Variants in RAD51AP1 observed in about 807,000 individuals in gnomAD.
RAD51AP1 encodes RAD51 associated protein 1, also known as RAD51-associated protein 1.
In RAD51AP1, 14 loss-of-function variants were observed where a neutral mutation model predicts 34.3. The ratio of observed to expected loss-of-function variants is 0.41; its 90% CI spans 0.27 to 0.64. The LOEUF (loss-of-function observed/expected upper bound fraction) is 0.64. Among genes scored for constraint, RAD51AP1 ranks in the 30% least tolerant of loss-of-function variants. The pLI is 0.33. For missense variants in RAD51AP1, 348 were observed against 386.9 expected (o/e 0.90, Z 0.84); for synonymous variants, 114 against 129.8 (o/e 0.88, Z 0.83).
chr12:4,551,013 A>G (rs1944542295), intron 6 of RAD51AP1, among the ~76,000 whole-genome samples: 1 of 152,220 alleles, frequency 6.6e-6, no homozygotes, highest in Admixed American at 6.5e-5. Context: ...TGTTGAATTC[A>G]GGCTGGCATC....
chr12:4,559,184 T>A lies in RAD51AP1; in HGVS notation c.*191T>A, dbSNP rs1181058265. 1 of 597,096 alleles carries A rather than the reference T, an allele frequency of 1.7e-6. No homozygotes were observed. Among genetic ancestry groups the A allele is most frequent in the Non-Finnish European group, 2.8e-6 (1 of 363,340 alleles). The allele number at this position is 597,096 out of a possible 1,614,324, so 37.0% of individuals were successfully genotyped here. ...CTTCAAGACTTCAATGAGAAGTTTG[T>A]TTATAAGAATTATCTTCTCATACCT... On this transcript the variant is annotated 3_prime_UTR_variant, in exon 9 of 9. Transcript: ENST00000352618.
Position 4,551,646 on chromosome 12 carries a change from A to G in RAD51AP1, c.557-1337A>G, listed in dbSNP as rs981415529. On this transcript the variant is annotated intron_variant, in intron 6 of 8. Transcript: ENST00000352618. ...GGACAGGGAGAAGATACTGCTCTAT[A>G]TTAAAAGAGATTAATATAGACTGAA... Among the ~76,000 whole-genome samples, 3 of 152,318 alleles carry G rather than the reference A, an allele frequency of 2.0e-5. No homozygotes were observed. The East Asian group carries it at 5.8e-4, about 29-fold the overall frequency.
intron 6 of RAD51AP1, among the ~76,000 whole-genome samples, chr12:4,552,512 G>T (rs1435030250): frequency 6.6e-6 from 1 of 152,146 alleles, no homozygotes; most frequent in Non-Finnish European, 1.5e-5. Flanking sequence ...ATTAAGGGAA[G>T]GCTCACTATT....
In RAD51AP1 at chr12:4,553,045, A is replaced by G. The variant is rs750733051; in HGVS notation, c.619A>G (p.Met207Val). The change falls in exon 7 of 9, where the codon ATG becomes GTG. Residue 207 changes from methionine to valine, a missense_variant. Physicochemically the swap from Met to Val is conservative, Grantham distance 21. Coordinates refer to ENST00000352618, the MANE Select transcript of RAD51AP1 (RefSeq NM_006479.5). ...TGAGGATAATGACGAAGACTTCTCT[A>G]TGAGAAAAAGTAAAGTTAAAGAAAT... ...ESEDNDEDFS[M>V]RKSKVKEIKK... is the part of the protein sequence containing the mutation. The G allele has an allele frequency of 3.7e-6, 6 of 1,606,584 alleles. No homozygotes were observed. Among genetic ancestry groups the G allele is most frequent in the Admixed American group, 3.4e-5 (2 of 58,522 alleles).
rs760142538 is a variant in RAD51AP1, at chr12:4,556,337, A to G, written c.722-16A>G. ...TCCTGCATGACAAACATTTTTACGT[A>G]TATTTTTCAAATAAGTGACTTCGGT... is the stretch of plus-strand genomic sequence containing the variant. On this transcript the variant is annotated splice_polypyrimidine_tract_variant and intron_variant, in intron 7 of 8. Transcript: ENST00000352618. The G allele has an allele frequency of 5.6e-6, 9 of 1,592,966 alleles. No individual in the cohort carries two copies. Among genetic ancestry groups the G allele is most frequent in the Non-Finnish European group, 5.2e-6 (6 of 1,164,802 alleles).
At chr12:4,538,997 TA>T in intron 1 of RAD51AP1, 41 bp downstream of exon 1, 3 of 1,603,768 alleles carry the variant, frequency 1.9e-6, no homozygotes, top group Non-Finnish European at 2.6e-6. Flanking sequence ...GGAGGAAAAC[TA>T]AGGGAAAAGA....
intron 6 of RAD51AP1, among the ~76,000 whole-genome samples, chr12:4,551,113 T>C (rs1944543087): frequency 6.6e-6 from 1 of 152,196 alleles, no homozygotes; most frequent in Admixed American, 6.5e-5. Flanking sequence ...TTATGAAGTA[T>C]ATTCTTGCCG....
At chr12:4,538,986 G>C (rs762784399) in intron 1 of RAD51AP1, 30 bp downstream of exon 1, 2 of 1,610,070 alleles carry the variant, frequency 1.2e-6, no homozygotes, top group Non-Finnish European at 1.7e-6. Context: ...CGTCGGGGGT[G>C]GGAGGAAAAC....
intron 8 of RAD51AP1, among the ~76,000 whole-genome samples, chr12:4,558,026 GA>G (rs1401094108): frequency 6.6e-6 from 1 of 151,234 alleles, no homozygotes; most frequent in Non-Finnish European, 1.5e-5. Context: ...ATATATCTGA[GA>G]GCTAGATTTG....
chr12:4,543,683 A>C, intron 2 of RAD51AP1, 80 bp from the exon 3 acceptor site: 6 of 1,023,952 alleles, frequency 5.9e-6, no homozygotes, highest in Non-Finnish European at 8.2e-6. Context: ...AGCCTATAAA[A>C]ACTTGAACAC....
rs1357594677 is a variant in RAD51AP1 at position 4,553,041 on chromosome 12, C to T, written c.615C>T (p.Phe205=). The stretch of plus-strand genomic sequence containing the variant: ...AGAGTGAGGATAATGACGAAGACTT[C>T]TCTATGAGAAAAAGTAAAGTTAAAG... ...FCESEDNDED[F]SMRKSKVKEI... is the part of the protein sequence containing the mutation. The change falls in exon 7 of 9, where the codon TTC becomes TTT. Residue 205 remains phenylalanine, a synonymous_variant. Coordinates refer to ENST00000352618, the MANE Select transcript of RAD51AP1 (RefSeq NM_006479.5). The T allele has an allele frequency of 6.2e-7, 1 of 1,605,950 alleles. No individual in the cohort carries two copies. The highest frequency in any genetic ancestry group is 1.7e-5 in the Admixed American group (1 of 58,470).
intron 3 of RAD51AP1, chr12:4,545,142 T>C: frequency 7.2e-6 from 3 of 415,990 alleles, no homozygotes; most frequent in South Asian, 5.2e-5. Flanking sequence ...TAAAAAAAAA[T>C]GGAGGCAATC....
chr12:4,544,010 G>A (rs953151222), intron 3 of RAD51AP1, 106 bp downstream of exon 3: 3 of 946,120 alleles, frequency 3.2e-6, no homozygotes, highest in Non-Finnish European at 2.9e-6. Context: ...AGAGTCATAG[G>A]TCTTATTTTA....
In RAD51AP1 at chr12:4,543,897, A is replaced by C. The variant is rs34810644; in HGVS notation, c.202A>C (p.Lys68Gln). The C allele has an allele frequency of 3.9e-3, 6,241 of 1,599,814 alleles. 201 individuals are homozygous for C. The African/African-American group carries it at 0.075, about 19-fold the overall frequency. The change falls in exon 3 of 9, where the codon AAA becomes CAA. Residue 68 changes from lysine to glutamine, a missense_variant. Lys to Gln is a moderately conservative substitution (Grantham distance 53). Coordinates refer to ENST00000352618, the MANE Select transcript of RAD51AP1 (RefSeq NM_006479.5). ...EEIPVQEKTP[K>Q]KRMALDDKLY... ...AATCCCAGTACAAGAGAAAACCCCT[A>C]AAAAAAGGTGAGAGGTAAGACATGC... is the stretch of plus-strand genomic sequence containing the variant.
rs1284455427 is a variant in RAD51AP1, at chr12:4,548,823, A to G, written c.543A>G (p.Pro181=). Residue 181 remains proline (P), a synonymous_variant, in exon 6 of 9, where the codon CCA becomes CCG. Transcript: ENST00000352618. ...SDGDSANDTE[P]DFAPGEDSED... ...GTGATAGTGCTAATGACACTGAACC[A>G]GACTTTGCACCTGGTAGGTTTTATT... 1.9e-6 allele frequency: 3 copies of G among 1,612,902 alleles called. No homozygotes were observed. Among genetic ancestry groups the G allele is most frequent in the African/African-American group, 2.7e-5 (2 of 74,884 alleles).
chr12:4,543,786 C>T lies in RAD51AP1; in HGVS notation c.91C>T (p.Pro31Ser). 6.2e-7 allele frequency: 1 copy of T among 1,602,426 alleles called. No individual in the cohort carries two copies. The highest frequency in any genetic ancestry group is 1.7e-5 in the Admixed American group (1 of 58,372). ...AGATGATTTTGTTTCTGCAACTGTA[C>T]CTTTAAACAAGAAATCCAGAACAGC... The part of the protein sequence containing the change: ...SDDDFVSATV[P>S]LNKKSRTAPK... Residue 31 changes from proline to serine, a missense_variant, in exon 3 of 9, where the codon CCT becomes TCT. Coordinates refer to ENST00000352618, the MANE Select transcript of RAD51AP1 (RefSeq NM_006479.5).
intron 6 of RAD51AP1, among the ~76,000 whole-genome samples, chr12:4,551,505 A>C (rs1791703832): frequency 6.6e-6 from 1 of 151,842 alleles, no homozygotes; most frequent in Non-Finnish European, 1.5e-5. Flanking sequence ...AAAAAAAAAA[A>C]AAAAAAGCAA....
intron 1 of RAD51AP1, among the ~76,000 whole-genome samples, chr12:4,539,251 ATT>A (rs1565521925): frequency 6.6e-6 from 1 of 152,072 alleles, no homozygotes; most frequent in African/African-American, 2.4e-5. Context: ...GTGTTATTTT[ATT>A]TGTTTATCAC....
intron 8 of RAD51AP1, among the ~76,000 whole-genome samples, chr12:4,558,039 C>T (rs1944594895): frequency 6.6e-6 from 1 of 151,458 alleles, no homozygotes; most frequent in South Asian, 2.1e-4. Context: ...CTAGATTTGG[C>T]CCTCAGATTG....
Sources: allele counts gnomAD v4.1 joint callset (sites outside exome capture counted in the v4.1 genomes callset), GRCh38; gene constraint gnomAD v4.1.1; transcripts MANE v1.5; gene names NCBI Gene and HGNC (gene_info 2026-07-23, HGNC 2026-07-21).